The following IFT74 variants were observed in gnomAD, a reference collection of about 807,000 sequenced individuals.
The protein encoded by IFT74 is intraflagellar transport protein 74 homolog.
Under a neutral mutation model 96.7 loss-of-function variants are expected in IFT74, and 92 were observed. The observed-to-expected ratio is 0.95, with a 90% CI of 0.80 to 1.13. The LOEUF (loss-of-function observed/expected upper bound fraction) is 1.13, where lower values mean the gene tolerates loss of function less well. IFT74 is among the 50% of genes most tolerant of loss of function. The pLI, the probability that IFT74 is intolerant of heterozygous loss-of-function variation, is 0.00. For synonymous variants in IFT74, 223 were observed against 213.2 expected (o/e 1.05, Z -0.40); for missense variants, 811 against 698.2 (o/e 1.16, Z -1.82).
rs1819605233 is a variant in IFT74 at position 27,044,456 on chromosome 9, AT to A, written c.1055-285del. ...ATGGAATGGACTTTCTTGGGAACTT[AT>A]GTTTCTCAGCACCCATAGTGTTCAT... On this transcript the variant is annotated intron_variant, in intron 13 of 19. Transcript: ENST00000380062. Among the ~76,000 whole-genome samples, 7 of 152,254 alleles carry A rather than the reference AT, an allele frequency of 4.6e-5. No individual in the cohort carries two copies. The South Asian group carries it at 1.5e-3, about 32-fold the overall frequency.
intron 12 of IFT74, 88 bp downstream of exon 12, chr9:27,018,775 C>T: frequency 2.9e-6 from 2 of 699,256 alleles, no homozygotes; most frequent in Non-Finnish European, 4.6e-6. Flanking sequence ...TTCATTCTTT[C>T]AATTTTACTT....
At position 27,063,640 on chromosome 9, in the gene IFT74, CTGA is replaced by C; in HGVS notation, c.*906_*908del. Among the ~76,000 whole-genome samples the C allele has an allele frequency of 6.6e-6, 1 of 152,196 alleles. No homozygotes were observed. Among genetic ancestry groups the C allele is most frequent in the East Asian group, 1.9e-4 (1 of 5,186 alleles). On this transcript the variant is annotated 3_prime_UTR_variant, in exon 20 of 20. Coordinates refer to ENST00000380062, the MANE Select transcript of IFT74 (RefSeq NM_025103.4). ...TACTTAAAACTATCCTGTTTTTGCT[CTGA>C]TATCATGTTCACTAAGTAACTCTAC...
intron 18 of IFT74, 28 bp downstream of exon 18, chr9:27,056,487 A>G (rs1820164226): frequency 6.4e-7 from 1 of 1,571,680 alleles, no homozygotes; most frequent in Non-Finnish European, 8.6e-7. Flanking sequence ...TGACTTTGAA[A>G]TTGTCTTAGT....
At chr9:26,997,623 T>G in intron 8 of IFT74, 1 of 1,237,434 alleles carries the variant, frequency 8.1e-7, no homozygotes, top group African/African-American at 1.5e-5. Flanking sequence ...CATGAGCCAC[T>G]GCGCCTGGCT....
Position 26,998,157 on chromosome 9 carries a change from A to G in IFT74, c.587+7962A>G, listed in dbSNP as rs201512641. 51 of 1,603,282 alleles carry G rather than the reference A, an allele frequency of 3.2e-5. No homozygotes were observed. In the African/African-American group the frequency reaches 5.2e-4, roughly 16 times the overall value. ...GTACCATTAAGAGTAATTTGGTTAT[A>G]ACTGAGATCAAGTATAGTAACATCT... On this transcript the variant is annotated intron_variant, in intron 8 of 19. Transcript: ENST00000380062.
chr9:26,948,448 A>ATTATTATTTTTTTTTTTTTT (rs1825819541), intron 1 of IFT74, among the ~76,000 whole-genome samples: 6 of 59,162 alleles, frequency 1.0e-4, no homozygotes, highest in Non-Finnish European at 1.9e-4. Context: ...GCTTTCCATT[A>ATTATTATTTTTTTTTTTTTT]TTTTTTTTTT....
At chr9:27,052,457 G>A (rs1271805766) in intron 16 of IFT74, among the ~76,000 whole-genome samples, 7 of 145,692 alleles carry the variant, frequency 4.8e-5, no homozygotes, top group East Asian at 2.0e-4. Flanking sequence ...GCAGTGAGCC[G>A]AGATCGCGCC....
intron 1 of IFT74, among the ~76,000 whole-genome samples, chr9:26,950,794 G>A (rs562381319): frequency 6.6e-6 from 1 of 152,258 alleles, no homozygotes; most frequent in Admixed American, 6.5e-5. Flanking sequence ...CTTGATAGGA[G>A]GTTAATGCTC....
rs116948667 is a variant in IFT74 at position 27,004,126 on chromosome 9, G to T, written c.588-4894G>T. Among the ~76,000 whole-genome samples, 3 of 152,278 alleles carry T rather than the reference G, an allele frequency of 2.0e-5. No homozygotes were observed. In the East Asian group the frequency reaches 5.8e-4, roughly 29 times the overall value. On this transcript the variant is annotated intron_variant, in intron 8 of 19. Coordinates refer to ENST00000380062, the MANE Select transcript of IFT74 (RefSeq NM_025103.4). Reference sequence around the variant, plus strand: ...AGTTAAAAGTTGATATGAAATAGAAGCAGGTGAAAAAAGTAATGGAGGCAA... The same window carrying T: ...AGTTAAAAGTTGATATGAAATAGAATCAGGTGAAAAAAGTAATGGAGGCAA...
chr9:27,042,729 CA>C (rs1819533131), intron 13 of IFT74, among the ~76,000 whole-genome samples: 1 of 152,128 alleles, frequency 6.6e-6, no homozygotes, highest in African/African-American at 2.4e-5. Context: ...ACCAGTCTCC[CA>C]AGAGTGGAAC....
intron 2 of IFT74, chr9:26,976,540 T>G: frequency 3.1e-6 from 1 of 320,992 alleles, no homozygotes. Context: ...GGTGGGCGCA[T>G]GATGGGAGAG....
intron 8 of IFT74, among the ~76,000 whole-genome samples, chr9:27,005,352 TC>T (rs1443234170): frequency 0.033 from 626 of 18,966 alleles, 65 homozygotes; most frequent in African/African-American, 0.042. Context: ...TGAAACCATT[TC>T]CCCCCCCGCC....
rs550164112 is a variant in IFT74 at position 27,065,913 on chromosome 9, G to A, written c.*3177G>A. Among the ~76,000 whole-genome samples, 73 of 152,216 alleles carry A rather than the reference G, an allele frequency of 4.8e-4. No homozygotes were observed. Among genetic ancestry groups the A allele is most frequent in the African/African-American group, 1.7e-3 (69 of 41,538 alleles). On this transcript the variant is annotated 3_prime_UTR_variant, in exon 20 of 20. Coordinates refer to ENST00000380062, the MANE Select transcript of IFT74 (RefSeq NM_025103.4). ...TAAAAGTAGATTATGTCTTAAAATT[G>A]TAAGTTTACAGTTTGATAACTGAAA... is the stretch of plus-strand genomic sequence containing the variant.
chr9:26,957,092 A>T (rs1432877852), intron 1 of IFT74, among the ~76,000 whole-genome samples: 1 of 152,222 alleles, frequency 6.6e-6, no homozygotes, highest in Non-Finnish European at 1.5e-5. Context: ...TTGTATCGCT[A>T]ATCATTCTGG....
chr9:27,025,459 A>AAAAAAG (rs1829817034), intron 12 of IFT74, among the ~76,000 whole-genome samples: 22 of 145,874 alleles, frequency 1.5e-4, no homozygotes, highest in African/African-American at 5.1e-4. Flanking sequence ...AAAAAAAAAA[A>AAAAAAG]AAAAGAAAAG....
intron 12 of IFT74, among the ~76,000 whole-genome samples, chr9:27,028,097 G>A (rs989624027): frequency 2.0e-5 from 3 of 151,888 alleles, no homozygotes; most frequent in Non-Finnish European, 2.9e-5. Flanking sequence ...ATCAAAAATC[G>A]GTTAGCTATA....
intron 8 of IFT74, among the ~76,000 whole-genome samples, chr9:26,992,509 G>A (rs1178155084): frequency 1.3e-5 from 2 of 151,932 alleles, no homozygotes; most frequent in Admixed American, 6.6e-5. Context: ...CCTGGGCAAT[G>A]TGGCGAAACT....
intron 13 of IFT74, among the ~76,000 whole-genome samples, chr9:27,032,632 C>G (rs1011997267): frequency 1.3e-5 from 2 of 152,032 alleles, no homozygotes; most frequent in African/African-American, 4.8e-5. Flanking sequence ...CTTTGGGAGG[C>G]TGAGGCAGGC....
intron 2 of IFT74, among the ~76,000 whole-genome samples, chr9:26,977,767 G>A (rs1370211023): frequency 6.6e-6 from 1 of 152,152 alleles, no homozygotes; most frequent in Non-Finnish European, 1.5e-5. Flanking sequence ...GGGATTACAG[G>A]CGTGAGCCAC....
Sources: allele counts gnomAD v4.1 joint callset (sites outside exome capture counted in the v4.1 genomes callset), GRCh38; gene constraint gnomAD v4.1.1; transcripts MANE v1.5; gene names NCBI Gene and HGNC (gene_info 2026-07-23, HGNC 2026-07-21).